Variants in DLC1 observed in about 807,000 individuals in gnomAD.
DLC1 encodes DLC1 Rho GTPase activating protein.
A neutral mutation model predicts 140.3 loss-of-function variants in DLC1; 54 were observed. That is an observed-to-expected ratio of 0.38 (90% CI 0.31 to 0.48). The LOEUF is 0.48. DLC1 is among the 20% of genes least tolerant of loss of function. The pLI is 0.96. For synonymous variants in DLC1, 986 were observed against 728.1 expected, an observed-to-expected ratio of 1.35 and a Z score of -5.70; for missense variants, 2,536 against 1,907.0, an observed-to-expected ratio of 1.33 and a Z score of -6.14.
chr8:13,181,214 G>T (rs1471644403), intron 5 of DLC1, among the ~76,000 whole-genome samples: 1 of 151,644 alleles, frequency 6.6e-6, no homozygotes, highest in Non-Finnish European at 1.5e-5. Context: ...TGCACTTACT[G>T]TTTGCTCTAC....
At position 13,092,805 on chromosome 8, in the gene DLC1, G is replaced by A. The variant is rs1443696564; in HGVS notation, c.3547C>T (p.Leu1183=). Reference sequence around the variant, plus strand: ...ATGATGGCAGCCTTGATGGCCTGCAGGCGCTGGTCCTTGGGCACATCTGCA... The same window carrying A: ...ATGATGGCAGCCTTGATGGCCTGCAAGCGCTGGTCCTTGGGCACATCTGCA... ...IYQYVPKDQR[L]QAIKAAIMLL... The change falls in exon 13 of 18, where the codon CTG becomes TTG. Residue 1183 remains leucine, a synonymous_variant. Coordinates refer to ENST00000276297, the MANE Select transcript of DLC1 (RefSeq NM_182643.3). 7 of 1,613,750 alleles carry A rather than the reference G, an allele frequency of 4.3e-6. No individual in the cohort carries two copies. In the Admixed American group the frequency reaches 8.3e-5, roughly 19 times the overall value.
intron 2 of DLC1, among the ~76,000 whole-genome samples, chr8:13,492,679 C>A (rs563702238): frequency 6.6e-6 from 1 of 152,200 alleles, no homozygotes; most frequent in African/African-American, 2.4e-5. Flanking sequence ...GGTGGTGGAC[C>A]AAGCACATAG....
At chr8:13,335,891 A>T (rs1833792517) in intron 4 of DLC1, among the ~76,000 whole-genome samples, 1 of 69,974 alleles carries the variant, frequency 1.4e-5, no homozygotes, top group Admixed American at 2.2e-4. Flanking sequence ...ATGACTTGTT[A>T]ATTTCAAAAT....
At chr8:13,450,143 A>C (rs1242644062) in intron 2 of DLC1, among the ~76,000 whole-genome samples, 2 of 152,114 alleles carry the variant, frequency 1.3e-5, no homozygotes, top group African/African-American at 4.8e-5. Context: ...TGAGTAAAAT[A>C]GATCATAATT....
rs146301520 is a variant in DLC1 at position 13,379,592 on chromosome 8, T to C, written c.1314+13961A>G. ...TCATGTCAAAAAATTCTAAGTCAAATCATTGTAAATTGGGGACCCTCTTTA... is the reference window on the plus strand; with the variant it reads ...TCATGTCAAAAAATTCTAAGTCAAACCATTGTAAATTGGGGACCCTCTTTA... On this transcript the variant is annotated intron_variant, in intron 4 of 17. Coordinates refer to ENST00000276297, the MANE Select transcript of DLC1 (RefSeq NM_182643.3). Among the ~76,000 whole-genome samples the C allele has an allele frequency of 2.2e-3, 335 of 152,292 alleles. 10 individuals carry two copies. Among genetic ancestry groups the C allele is most frequent in the Admixed American group, 0.017 (253 of 15,296 alleles).
At chr8:13,257,728 A>C (rs1266112352) in intron 5 of DLC1, among the ~76,000 whole-genome samples, 3 of 152,080 alleles carry the variant, frequency 2.0e-5, no homozygotes, top group African/African-American at 7.2e-5. Flanking sequence ...GAAGAAAAAA[A>C]AAAAAACCAT....
chr8:13,419,405 T>C (rs780429527), intron 2 of DLC1, among the ~76,000 whole-genome samples: 9 of 152,204 alleles, frequency 5.9e-5, no homozygotes, highest in Non-Finnish European at 8.8e-5. Flanking sequence ...ACCTAATTTA[T>C]TGAGAGTTTT....
rs144165113 is a variant in DLC1, at chr8:13,420,497, C to T, written c.1024-18878G>A. ...TGGTGGTTTGCTGCACCTATCAACC[C>T]GTCATTTAGATTTTAAGTCTCGCAT... is the stretch of plus-strand genomic sequence containing the variant. On this transcript the variant is annotated intron_variant, in intron 2 of 17. Coordinates refer to ENST00000276297, the MANE Select transcript of DLC1 (RefSeq NM_182643.3). Among the ~76,000 whole-genome samples the T allele has an allele frequency of 1.8e-3, 273 of 152,048 alleles. 1 individual carries two copies. Among genetic ancestry groups the T allele is most frequent in the African/African-American group, 6.3e-3 (263 of 41,474 alleles).
chr8:13,188,799 GTGTATATATATATATATATATATATA>G (rs1554465472), intron 5 of DLC1, among the ~76,000 whole-genome samples: 15 of 79,564 alleles, frequency 1.9e-4, no homozygotes, highest in African/African-American at 6.7e-4. Flanking sequence ...GTGTGTGTGT[GTGTATATATATATATATATATATATA>G]TGTATATATA....
intron 5 of DLC1, among the ~76,000 whole-genome samples, chr8:13,258,674 A>G (rs1830355486): frequency 6.6e-6 from 1 of 152,218 alleles, no homozygotes; most frequent in Non-Finnish European, 1.5e-5. Context: ...ACTTCAAAGT[A>G]TCAATGGCCT....
At chr8:13,434,504 G>GT (rs1839029216) in intron 2 of DLC1, among the ~76,000 whole-genome samples, 1 of 152,128 alleles carries the variant, frequency 6.6e-6, no homozygotes, top group Middle Eastern at 3.2e-3. Flanking sequence ...GCACATGTGT[G>GT]TATGTATATG....
chr8:13,446,825 C>G (rs1301970182), intron 2 of DLC1, among the ~76,000 whole-genome samples: 1 of 152,020 alleles, frequency 6.6e-6, no homozygotes, highest in Non-Finnish European at 1.5e-5. Flanking sequence ...GCCTGTAAAC[C>G]CAGCTACTTG....
chr8:13,431,360 G>A (rs569118982), intron 2 of DLC1, among the ~76,000 whole-genome samples: 4 of 151,756 alleles, frequency 2.6e-5, no homozygotes, highest in East Asian at 2.0e-4. Context: ...ACGGGTGCCT[G>A]TAGTCCCAGC....
At chr8:13,530,964 AGAT>A (rs1455622578) in intron 1 of DLC1, among the ~76,000 whole-genome samples, 4 of 152,166 alleles carry the variant, frequency 2.6e-5, no homozygotes, top group African/African-American at 9.7e-5. Flanking sequence ...TGGTATTTGG[AGAT>A]GATGCATTTG....
chr8:13,128,711 T>TGTA (rs1821804590), intron 5 of DLC1, among the ~76,000 whole-genome samples: 1 of 151,984 alleles, frequency 6.6e-6, no homozygotes, highest in South Asian at 2.1e-4. Flanking sequence ...CGGCGCCTAC[T>TGTA]GTAGTCCCAG....
chr8:13,350,390 C>G (rs1171861216), intron 4 of DLC1, among the ~76,000 whole-genome samples: 1 of 151,698 alleles, frequency 6.6e-6, no homozygotes, highest in Non-Finnish European at 1.5e-5. Flanking sequence ...ACTATAAGCT[C>G]CTTATGTGAA....
At chr8:13,237,735 T>A (rs1380004270) in intron 5 of DLC1, among the ~76,000 whole-genome samples, 3 of 152,094 alleles carry the variant, frequency 2.0e-5, no homozygotes, top group African/African-American at 4.8e-5. Context: ...TGGTCAAGCT[T>A]TTTCTATTGT....
At chr8:13,195,551 A>T (rs1826996934) in intron 5 of DLC1, among the ~76,000 whole-genome samples, 1 of 152,218 alleles carries the variant, frequency 6.6e-6, no homozygotes, top group Non-Finnish European at 1.5e-5. Context: ...ATTCAGAGAA[A>T]ATTTTGTAGG....
chr8:13,436,466 A>T (rs1309008120), intron 2 of DLC1, among the ~76,000 whole-genome samples: 1 of 152,160 alleles, frequency 6.6e-6, no homozygotes, highest in Admixed American at 6.5e-5. Flanking sequence ...CCCGTTTTCA[A>T]TCTTCATTAT....
Sources: gnomAD v4.1 joint callset for allele counts (sites outside exome capture counted in the v4.1 genomes callset) on GRCh38, gnomAD v4.1.1 for gene constraint, MANE v1.5 for transcripts, NCBI Gene and HGNC (gene_info 2026-07-23, HGNC 2026-07-21) for gene names.